ATP5PB: variants seen among roughly 807,000 people sequenced by gnomAD.
The protein encoded by ATP5PB is ATP synthase peripheral stalk subunit b, mitochondrial.
In ATP5PB, 21 loss-of-function variants were observed where a neutral mutation model predicts 34.5. The observed-to-expected ratio is 0.61, with a 90% CI of 0.43 to 0.88. The LOEUF is 0.88. Among genes scored for constraint, ATP5PB ranks in the 40% least tolerant of loss-of-function variants. The pLI is 0.00. For synonymous variants in ATP5PB, 108 were observed against 114.1 expected (o/e 0.95, Z 0.34); for missense variants, 293 against 317.4 (o/e 0.92, Z 0.58).
chr1:111,456,345 T>C (rs1300851292), intron 4 of ATP5PB, 96 bp downstream of exon 4: 31 of 1,289,026 alleles, frequency 2.4e-5, no homozygotes, highest in Non-Finnish European at 3.2e-5. Flanking sequence ...GAGCAACATA[T>C]AGAAATGAAT....
At chr1:111,456,328 G>A (rs1653471650) in intron 4 of ATP5PB, 79 bp downstream of exon 4, 1 of 1,374,712 alleles carries the variant, frequency 7.3e-7, no homozygotes, top group South Asian at 1.5e-5. Flanking sequence ...TGATATGAGT[G>A]TTAGGGGAGC....
At chr1:111,456,593 C>T in intron 4 of ATP5PB, 37 bp from the exon 5 acceptor site, 4 of 1,597,840 alleles carry the variant, frequency 2.5e-6, no homozygotes, top group Non-Finnish European at 3.4e-6. Context: ...ACCCTTTGTG[C>T]TTTCACTGAT....
At chr1:111,458,231 C>T (rs1264120063) in intron 5 of ATP5PB, among the ~76,000 whole-genome samples, 8 of 152,168 alleles carry the variant, frequency 5.3e-5, no homozygotes, top group East Asian at 1.9e-4. Flanking sequence ...GCAGGCCAGG[C>T]GCATTGGCTC....
chr1:111,455,055 G>C (rs575553944), intron 3 of ATP5PB, among the ~76,000 whole-genome samples: 4 of 152,118 alleles, frequency 2.6e-5, no homozygotes, highest in Non-Finnish European at 5.9e-5. Context: ...TAAGGCAAGA[G>C]TCCCCTGATT....
chr1:111,451,677 A>G (rs528636026), intron 2 of ATP5PB, among the ~76,000 whole-genome samples: 1 of 152,330 alleles, frequency 6.6e-6, no homozygotes, highest in Non-Finnish European at 1.5e-5. Flanking sequence ...TGGTCTTGAT[A>G]GTCATTGCTA....
rs1167161214 is a variant in ATP5PB, at chr1:111,461,694, G to A, written c.*700G>A. On this transcript the variant is annotated 3_prime_UTR_variant, in exon 7 of 7. Coordinates refer to ENST00000369722, the MANE Select transcript of ATP5PB (RefSeq NM_001688.5). ...ACAGGCGGATCACTTGAGGTCAGGA[G>A]TTTGAAACCAGCCAGGCCAACACAG... 6.6e-6 allele frequency: 1 copy of A among 152,200 alleles called. No homozygotes were observed. Among genetic ancestry groups the A allele is most frequent in the African/African-American group, 2.4e-5 (1 of 41,424 alleles). The allele number at this position is 152,200 out of a possible 1,614,324, so 9.4% of individuals were successfully genotyped here.
chr1:111,458,724 T>C (rs1340587840), intron 5 of ATP5PB, among the ~76,000 whole-genome samples: 1 of 152,088 alleles, frequency 6.6e-6, no homozygotes, highest in Non-Finnish European at 1.5e-5. Context: ...TTGGTATGCA[T>C]TGGTTTGTGA....
intron 6 of ATP5PB, 37 bp downstream of exon 6, chr1:111,459,673 G>T: frequency 6.3e-7 from 1 of 1,596,602 alleles, no homozygotes; most frequent in Non-Finnish European, 8.6e-7. Context: ...TGTTGTACTG[G>T]TATCTCTTAA....
At chr1:111,456,486 T>C in intron 4 of ATP5PB, 144 bp from the exon 5 acceptor site, 3 of 1,227,106 alleles carry the variant, frequency 2.4e-6, no homozygotes, top group Non-Finnish European at 3.3e-6. Flanking sequence ...GCAATTCTTT[T>C]TAAGGATTTG....
chr1:111,453,867 G>A (rs547551803), intron 2 of ATP5PB, among the ~76,000 whole-genome samples: 1 of 152,164 alleles, frequency 6.6e-6, no homozygotes, highest in African/African-American at 2.4e-5. Context: ...CAAGGAGCAG[G>A]TCTAGGATTT....
In ATP5PB at chr1:111,459,559, A is replaced by G. The variant is rs1274930773; in HGVS notation, c.616A>G (p.Met206Val). The change falls in exon 6 of 7, where the codon ATG becomes GTG. Residue 206 changes from methionine (M) to valine (V), a missense_variant. Physicochemically the swap from Met to Val is conservative, Grantham distance 21. Transcript: ENST00000369722. ...GGACTATCATATATCTGTGCAGAAC[A>G]TGATGCGTCGAAAGGAACAAGAACA... ...RLDYHISVQN[M>V]MRRKEQEHMI... 1.2e-6 allele frequency: 2 copies of G among 1,614,006 alleles called. No individual in the cohort carries two copies. The highest frequency in any genetic ancestry group is 1.1e-5 in the South Asian group (1 of 91,082).
At position 111,459,613 on chromosome 1, in the gene ATP5PB, G is replaced by A. The variant is rs1400268299; in HGVS notation, c.670G>A (p.Val224Met). Reference protein sequence around the residue: ...HMINWVEKHVVQSISTQQEKE... With the variant: ...HMINWVEKHVMQSISTQQEKE... ...GATAAATTGGGTGGAGAAGCACGTG[G>A]TGCAAAGCATCTCCACACAGCAGGT... is the stretch of plus-strand genomic sequence containing the variant. Residue 224 changes from valine (V) to methionine (M), a missense_variant, in exon 6 of 7, where the codon GTG (valine) becomes ATG (methionine). Val to Met is a conservative substitution (Grantham distance 21). Transcript: ENST00000369722. The A allele has an allele frequency of 3.1e-6, 5 of 1,613,762 alleles. No homozygotes were observed. Among genetic ancestry groups the A allele is most frequent in the Admixed American group, 3.3e-5 (2 of 59,986 alleles).
rs761389778 is a variant in ATP5PB at position 111,454,266 on chromosome 1, C to A, written c.133C>A (p.Pro45Thr). ...HTGQPHLVPVPPLPEYGGKVR... is the reference protein window; with the variant it reads ...HTGQPHLVPVTPLPEYGGKVR... ...AGGGCAGCCACACCTTGTCCCTGTACCACCTCTTCCTGAATACGGAGGAAA... is the reference window on the plus strand; with the variant it reads ...AGGGCAGCCACACCTTGTCCCTGTAACACCTCTTCCTGAATACGGAGGAAA... The change falls in exon 3 of 7, where the codon CCA becomes ACA. Residue 45 changes from proline (P) to threonine (T), a missense_variant. Pro to Thr is a conservative substitution (Grantham distance 38, BLOSUM62 -1). Transcript: ENST00000369722. 6.2e-7 allele frequency: 1 copy of A among 1,613,184 alleles called. No individual in the cohort carries two copies. Among genetic ancestry groups the A allele is most frequent in the African/African-American group, 1.3e-5 (1 of 74,970 alleles).
rs1314686585 is a variant in ATP5PB, at chr1:111,460,958, G to T, written c.735G>T (p.Leu245=). The T allele has an allele frequency of 6.2e-7, 1 of 1,613,088 alleles. No homozygotes were observed. Among genetic ancestry groups the T allele is most frequent in the South Asian group, 1.1e-5 (1 of 91,030 alleles). The part of the protein sequence containing the change: ...TIAKCIADLK[L]LAKKAQAQPV... Reference sequence around the variant, plus strand: ...CCAAGTGCATTGCGGACCTAAAGCTGCTGGCAAAGAAGGCTCAAGCACAGC... The same window carrying T: ...CCAAGTGCATTGCGGACCTAAAGCTTCTGGCAAAGAAGGCTCAAGCACAGC... The change falls in exon 7 of 7, where the codon CTG becomes CTT. Residue 245 remains leucine, a synonymous_variant. Transcript: ENST00000369722.
intron 2 of ATP5PB, among the ~76,000 whole-genome samples, chr1:111,452,437 C>T (rs565340825): frequency 1.3e-5 from 2 of 152,250 alleles, no homozygotes; most frequent in Admixed American, 6.5e-5. Context: ...GTGGCACACG[C>T]CTGTAATCCC....
Position 111,462,126 on chromosome 1 carries a change from C to G in ATP5PB, c.*1132C>G, listed in dbSNP as rs1169164330. 6.6e-6 allele frequency: 1 copy of G among 152,120 alleles called. No individual in the cohort carries two copies. Among genetic ancestry groups the G allele is most frequent in the African/African-American group, 2.4e-5 (1 of 41,418 alleles). 9.4% of individuals were successfully genotyped at this position (152,120 alleles called of 1,614,324 possible). ...TACTCAAAAAAATTAAAAGCAGGGT[C>G]TTGAAGAGATACTTGTGTTCCATGG... On this transcript the variant is annotated 3_prime_UTR_variant, in exon 7 of 7. Coordinates refer to ENST00000369722, the MANE Select transcript of ATP5PB (RefSeq NM_001688.5).
intron 2 of ATP5PB, 32 bp from the exon 3 acceptor site, chr1:111,454,179 A>G: frequency 6.6e-7 from 1 of 1,525,760 alleles, no homozygotes; most frequent in Non-Finnish European, 8.8e-7. Context: ...TTAAAGAAAC[A>G]GGCTTTACAT....
At chr1:111,460,807 T>C (rs1029448773) in intron 6 of ATP5PB, 110 bp from the exon 7 acceptor site, 2 of 811,320 alleles carry the variant, frequency 2.5e-6, no homozygotes, top group Non-Finnish European at 4.1e-6. Flanking sequence ...CCAGTAATCA[T>C]CTTGAGGTTC....
chr1:111,454,131 T>C, intron 2 of ATP5PB, 80 bp from the exon 3 acceptor site: 1 of 1,373,006 alleles, frequency 7.3e-7, no homozygotes, highest in South Asian at 1.9e-5. Context: ...TCAACCCTAT[T>C]TATTGTTTCT....
Sources: allele counts gnomAD v4.1 joint callset (sites outside exome capture counted in the v4.1 genomes callset), GRCh38; gene constraint gnomAD v4.1.1; transcripts MANE v1.5; gene names NCBI Gene and HGNC (gene_info 2026-07-23, HGNC 2026-07-21).